The following RTN4 variants were observed in gnomAD, a reference collection of about 807,000 sequenced individuals.
RTN4 encodes reticulon 4, also known as reticulon-4.
In RTN4, 32 loss-of-function variants were observed where a neutral mutation model predicts 90.4. That is an observed-to-expected ratio of 0.35 (90% CI 0.27 to 0.48). RTN4 has a LOEUF of 0.48. RTN4 is among the 20% of genes least tolerant of loss of function. The pLI is 0.99. For synonymous variants in RTN4, 629 were observed against 552.5 expected (o/e 1.14, Z -1.94); for missense variants, 1,706 against 1,430.2 (o/e 1.19, Z -3.11).
chr2:55,070,037 C>T (rs1225968474), intron 2 of RTN4, among the ~76,000 whole-genome samples: 1 of 152,142 alleles, frequency 6.6e-6, no homozygotes, highest in African/African-American at 2.4e-5. Context: ...ATGGCAGAGA[C>T]TAATCATAGG....
chr2:54,998,693 T>C (rs1328370211), intron 3 of RTN4, among the ~76,000 whole-genome samples: 1 of 152,320 alleles, frequency 6.6e-6, no homozygotes, highest in East Asian at 1.9e-4. Context: ...CTGCACTGTC[T>C]GAATAGCGGC....
At chr2:55,100,036 C>G (rs576758172) in intron 1 of RTN4, among the ~76,000 whole-genome samples, 2 of 152,102 alleles carry the variant, frequency 1.3e-5, no homozygotes, top group Non-Finnish European at 2.9e-5. Flanking sequence ...TAAGTTACAT[C>G]TGCAACATTT....
intron 2 of RTN4, among the ~76,000 whole-genome samples, chr2:55,078,607 C>T (rs963753334): frequency 2.6e-5 from 4 of 152,188 alleles, no homozygotes; most frequent in African/African-American, 9.7e-5. Context: ...GCTAGTAATA[C>T]TTGCAAGATA....
chr2:55,126,283 C>A, the RTN4 span, among the ~76,000 whole-genome samples: 137 of 151,648 alleles, frequency 9.0e-4, no homozygotes, highest in South Asian at 4.6e-3. Context: ...GCATGAGAAT[C>A]GCTTGAACCT....
chr2:54,991,366 T>A (rs1679001371), intron 3 of RTN4, among the ~76,000 whole-genome samples: 1 of 152,244 alleles, frequency 6.6e-6, no homozygotes, highest in African/African-American at 2.4e-5. Context: ...AGTGACTATA[T>A]ATGAATTATT....
At chr2:55,069,441 T>C (rs1441206458) in intron 2 of RTN4, among the ~76,000 whole-genome samples, 4 of 152,198 alleles carry the variant, frequency 2.6e-5, no homozygotes, top group African/African-American at 4.8e-5. Flanking sequence ...ACTCTGCCAT[T>C]GTCTAAAAAC....
At chr2:55,046,637 G>A (rs1372283252) in intron 1 of RTN4, among the ~76,000 whole-genome samples, 1 of 152,166 alleles carries the variant, frequency 6.6e-6, no homozygotes, top group Non-Finnish European at 1.5e-5. Context: ...ACTCTCCCAA[G>A]GGGGAGCATG....
the RTN4 span, among the ~76,000 whole-genome samples, chr2:55,133,620 G>T: frequency 6.6e-6 from 1 of 152,140 alleles, no homozygotes. Flanking sequence ...TCCATTCTAT[G>T]GAGGGAGAAA....
intron 1 of RTN4, among the ~76,000 whole-genome samples, chr2:55,111,317 T>C (rs1668034820): frequency 6.6e-6 from 1 of 152,134 alleles, no homozygotes; most frequent in African/African-American, 2.4e-5. Context: ...AGAAACCTTT[T>C]TCAGAGGCAC....
chr2:55,012,372 C>T (rs1449533615), intron 3 of RTN4, among the ~76,000 whole-genome samples: 1 of 152,150 alleles, frequency 6.6e-6, no homozygotes, highest in Non-Finnish European at 1.5e-5. Context: ...ATAGTGACAT[C>T]TACTTCTTTA....
intron 1 of RTN4, 103 bp from the exon 2 acceptor site, chr2:55,028,323 A>G (rs1682060731): frequency 6.2e-6 from 6 of 968,674 alleles, no homozygotes; most frequent in Non-Finnish European, 9.1e-6. Flanking sequence ...ATAAGTTAAC[A>G]AAAAACTTTA....
At chr2:55,126,686 G>A in the RTN4 span, among the ~76,000 whole-genome samples, 2 of 152,166 alleles carry the variant, frequency 1.3e-5, no homozygotes, top group African/African-American at 4.8e-5. Context: ...GTATATCCCA[G>A]AGGAATATAA....
chr2:54,982,110 C>T (rs1558761337), intron 5 of RTN4, among the ~76,000 whole-genome samples: 1 of 151,460 alleles, frequency 6.6e-6, no homozygotes, highest in African/African-American at 2.4e-5. Flanking sequence ...GCATGCACCA[C>T]CACGCCTGGC....
intron 4 of RTN4, among the ~76,000 whole-genome samples, chr2:54,986,711 A>C (rs1678587212): frequency 6.6e-6 from 1 of 152,220 alleles, no homozygotes. Context: ...AACGTGGTGA[A>C]TTAGTCGTTG....
At chr2:55,076,223 A>G (rs377391058) in intron 2 of RTN4, among the ~76,000 whole-genome samples, 4 of 152,218 alleles carry the variant, frequency 2.6e-5, no homozygotes, top group African/African-American at 9.6e-5. Context: ...AAGGAACACA[A>G]ACAAATCAGC....
chr2:55,083,235 C>T (rs532685751), intron 1 of RTN4, among the ~76,000 whole-genome samples: 5 of 152,186 alleles, frequency 3.3e-5, no homozygotes, highest in Non-Finnish European at 7.3e-5. Flanking sequence ...GTGGCTCATG[C>T]CTGTAATCCC....
chr2:54,983,053 A>T (rs1404068213), intron 4 of RTN4, among the ~76,000 whole-genome samples: 1 of 151,564 alleles, frequency 6.6e-6, no homozygotes, highest in African/African-American at 2.4e-5. Context: ...AATGGTAGTT[A>T]TGACTATGGT....
chr2:55,042,746 T>A (rs1258298451), intron 1 of RTN4, among the ~76,000 whole-genome samples: 1 of 152,170 alleles, frequency 6.6e-6, no homozygotes, highest in Admixed American at 6.5e-5. Flanking sequence ...AAGATCAGCA[T>A]CTTTCTCATT....
intron 3 of RTN4, among the ~76,000 whole-genome samples, chr2:55,006,040 G>C (rs967858510): frequency 6.6e-6 from 1 of 152,018 alleles, no homozygotes; most frequent in African/African-American, 2.4e-5. Context: ...AAATATTGTA[G>C]TCATTAAAAT....
Sources: allele counts gnomAD v4.1 joint callset (sites outside exome capture counted in the v4.1 genomes callset), GRCh38; gene constraint gnomAD v4.1.1; transcripts MANE v1.5; gene names NCBI Gene and HGNC (gene_info 2026-07-23, HGNC 2026-07-21).